ALK: variants seen among roughly 807,000 people sequenced by gnomAD.
ALK encodes ALK receptor tyrosine kinase, also known as ALK tyrosine kinase receptor.
In ALK, 74 loss-of-function variants were observed where a neutral mutation model predicts 163.1. The ratio of observed to expected loss-of-function variants is 0.45; its 90% CI spans 0.38 to 0.55. ALK has a LOEUF of 0.55. Among genes scored for constraint, ALK ranks in the 20% least tolerant of loss-of-function variants. ALK has a pLI of 0.00. For missense variants in ALK, 2,063 were observed against 2,105.3 expected (o/e 0.98, Z 0.39); for synonymous variants, 960 against 843.2 (o/e 1.14, Z -2.40).
Position 29,706,288 on chromosome 2 carries a change from C to T in ALK, c.788-11274G>A, listed in dbSNP as rs143362383. 9.1e-3 allele frequency among the ~76,000 whole-genome samples: 1,379 copies of T among 152,346 alleles called. 23 individuals are homozygous for T. Among genetic ancestry groups the T allele is most frequent in the African/African-American group, 0.032 (1,318 of 41,582 alleles). On this transcript the variant is annotated intron_variant, in intron 2 of 28. Coordinates refer to ENST00000389048, the MANE Select transcript of ALK (RefSeq NM_004304.5). Reference sequence around the variant, plus strand: ...GGGGCCTGACTTCCAGCCCAGGCTCCGATGATTAGGGACTGTGGCTCCCCC... The same window carrying T: ...GGGGCCTGACTTCCAGCCCAGGCTCTGATGATTAGGGACTGTGGCTCCCCC...
At chr2:29,836,330 C>G (rs532285388) in intron 1 of ALK, among the ~76,000 whole-genome samples, 1 of 152,278 alleles carries the variant, frequency 6.6e-6, no homozygotes, top group East Asian at 1.9e-4. Flanking sequence ...AGAACTACCT[C>G]TTGCTCATAC....
chr2:29,478,803 T>A (rs540093752), intron 4 of ALK, among the ~76,000 whole-genome samples: 155 of 152,154 alleles, frequency 1.0e-3, no homozygotes, highest in Non-Finnish European at 1.4e-3. Context: ...TTTGGAAAGG[T>A]CAGGGAGAAC....
chr2:29,385,927 A>G (rs147403480), intron 4 of ALK, among the ~76,000 whole-genome samples: 2 of 152,358 alleles, frequency 1.3e-5, no homozygotes, highest in African/African-American at 4.8e-5. Flanking sequence ...AATTCTTAGA[A>G]TCAGAGTCAA....
chr2:29,495,380 G>A (rs1671999625), intron 4 of ALK, among the ~76,000 whole-genome samples: 1 of 152,166 alleles, frequency 6.6e-6, no homozygotes, highest in Admixed American at 6.5e-5. Context: ...TGCACGGTAT[G>A]TTCCCGAGTC....
At chr2:29,650,812 C>G (rs1480439801) in intron 3 of ALK, among the ~76,000 whole-genome samples, 1 of 152,076 alleles carries the variant, frequency 6.6e-6, no homozygotes, top group African/African-American at 2.4e-5. Context: ...TGCCCCCTCC[C>G]CTCTGACTTC....
chr2:29,397,268 C>A (rs7568934), intron 4 of ALK, among the ~76,000 whole-genome samples: 1,613 of 152,204 alleles, frequency 0.011, 24 homozygotes, highest in African/African-American at 0.036. Flanking sequence ...GAGACAGATA[C>A]ACACACAGGG....
intron 5 of ALK, among the ~76,000 whole-genome samples, chr2:29,336,639 G>A (rs1453888574): frequency 4.6e-5 from 7 of 152,136 alleles, no homozygotes; most frequent in South Asian, 2.1e-4. Context: ...TTATGCATTC[G>A]AAACAGAAAC....
chr2:29,593,040 C>A (rs528217990), intron 3 of ALK, among the ~76,000 whole-genome samples: 8 of 152,342 alleles, frequency 5.3e-5, no homozygotes, highest in African/African-American at 1.9e-4. Flanking sequence ...AGCACATGGC[C>A]TGAAGCAAAT....
At chr2:29,620,299 T>C (rs1455157934) in intron 3 of ALK, among the ~76,000 whole-genome samples, 1 of 152,116 alleles carries the variant, frequency 6.6e-6, no homozygotes, top group African/African-American at 2.4e-5. Flanking sequence ...GGTTTACAGA[T>C]GGCTTCCCTC....
At chr2:29,546,322 A>G (rs1205493598) in intron 3 of ALK, among the ~76,000 whole-genome samples, 1 of 152,258 alleles carries the variant, frequency 6.6e-6, no homozygotes, top group Non-Finnish European at 1.5e-5. Context: ...AAAAGATAAT[A>G]AAAGGCAAAG....
At chr2:29,670,832 A>C (rs1677661719) in intron 3 of ALK, among the ~76,000 whole-genome samples, 1 of 151,966 alleles carries the variant, frequency 6.6e-6, no homozygotes, top group South Asian at 2.1e-4. Flanking sequence ...CTCAGTTCTA[A>C]GGTTTCCGTT....
intron 1 of ALK, among the ~76,000 whole-genome samples, chr2:29,734,308 T>C (rs1020193107): frequency 1.3e-5 from 2 of 152,212 alleles, no homozygotes; most frequent in Admixed American, 1.3e-4. Flanking sequence ...GGAGATTTCA[T>C]GTTGCCCTAA....
intron 4 of ALK, among the ~76,000 whole-genome samples, chr2:29,471,507 C>T (rs1190891905): frequency 6.6e-6 from 1 of 152,130 alleles, no homozygotes; most frequent in African/African-American, 2.4e-5. Flanking sequence ...ATATAACCCA[C>T]TATATTAATA....
chr2:29,816,667 C>T (rs893984625), intron 1 of ALK, among the ~76,000 whole-genome samples: 4 of 152,216 alleles, frequency 2.6e-5, no homozygotes, highest in East Asian at 1.9e-4. Context: ...GCCACAAGGT[C>T]GGTCCCCCTT....
intron 4 of ALK, among the ~76,000 whole-genome samples, chr2:29,417,973 T>TTGTG (rs1220742161): frequency 2.6e-5 from 4 of 152,236 alleles, no homozygotes; most frequent in African/African-American, 9.6e-5. Context: ...ATTATTCTAT[T>TTGTG]TGTGAAAATT....
At chr2:29,220,227 T>TAGTG (rs1383567198) in intron 23 of ALK, among the ~76,000 whole-genome samples, 2 of 152,238 alleles carry the variant, frequency 1.3e-5, no homozygotes, top group African/African-American at 4.8e-5. Context: ...ATTCTCATGA[T>TAGTG]AGTGAGTGAG....
chr2:29,748,328 G>A (rs1395073693), intron 1 of ALK, among the ~76,000 whole-genome samples: 5 of 152,180 alleles, frequency 3.3e-5, no homozygotes, highest in Non-Finnish European at 5.9e-5. Flanking sequence ...TCAAGGGTGT[G>A]TTGACTAAAC....
chr2:29,875,287 G>A (rs1330044814), intron 1 of ALK, among the ~76,000 whole-genome samples: 1 of 152,180 alleles, frequency 6.6e-6, no homozygotes, highest in East Asian at 1.9e-4. Context: ...AATGAGTACA[G>A]AGTTTCTATT....
intron 1 of ALK, among the ~76,000 whole-genome samples, chr2:29,743,724 A>G (rs1573600648): frequency 6.6e-6 from 1 of 151,920 alleles, no homozygotes; most frequent in South Asian, 2.1e-4. Flanking sequence ...GGGGCTTAAA[A>G]CTCTGTTAGC....
Sources: gnomAD v4.1 joint callset for allele counts (sites outside exome capture counted in the v4.1 genomes callset) on GRCh38, gnomAD v4.1.1 for gene constraint, MANE v1.5 for transcripts, NCBI Gene and HGNC (gene_info 2026-07-23, HGNC 2026-07-21) for gene names.